The following SNX31 variants were observed in gnomAD, a reference collection of about 807,000 sequenced individuals.
The protein encoded by SNX31 is sorting nexin 31.
A neutral mutation model predicts 65.4 loss-of-function variants in SNX31; 58 were observed. The observed-to-expected ratio is 0.89, with a 90% CI of 0.72 to 1.10. The LOEUF (loss-of-function observed/expected upper bound fraction) is 1.10, where lower values mean the gene tolerates loss of function less well. Among genes scored for constraint, SNX31 ranks in the 50% least tolerant of loss-of-function variants. The pLI is 0.00. For synonymous variants in SNX31, 181 were observed against 190.1 expected, an observed-to-expected ratio of 0.95 and a Z score of 0.39; for missense variants, 523 against 529.7, an observed-to-expected ratio of 0.99 and a Z score of 0.12.
rs1818035932 is a variant in SNX31 at position 100,626,273 on chromosome 8, T to C, written c.321+4054A>G. 6.6e-6 allele frequency among the ~76,000 whole-genome samples: 1 copy of C among 152,164 alleles called. No homozygotes were observed. The highest frequency in any genetic ancestry group is 2.4e-5 in the African/African-American group (1 of 41,438). Reference sequence around the variant, plus strand: ...GAGACAGGAGCTCTTCTCCCCATTTTACAGATGGGGAAACTGAGGTACAAA... The same window carrying C: ...GAGACAGGAGCTCTTCTCCCCATTTCACAGATGGGGAAACTGAGGTACAAA... On this transcript the variant is annotated intron_variant, in intron 4 of 13. Coordinates refer to ENST00000311812, the MANE Select transcript of SNX31 (RefSeq NM_152628.4). This position sits in a 1 kb window ranked among gnomAD's most constrained non-coding sequence, Gnocchi z 4.4.
At chr8:100,654,941 A>G (rs764204331) in intron 1 of SNX31, among the ~76,000 whole-genome samples, 1 of 152,210 alleles carries the variant, frequency 6.6e-6, no homozygotes, top group African/African-American at 2.4e-5. Context: ...TGAACCCAGG[A>G]GGCAGAGGTT....
chr8:100,605,192 C>T (rs1473361556), intron 8 of SNX31, among the ~76,000 whole-genome samples: 1 of 152,158 alleles, frequency 6.6e-6, no homozygotes, highest in Non-Finnish European at 1.5e-5. Context: ...AGCCACCATG[C>T]CTGGCCACTT....
At chr8:100,601,148 T>C (rs1263281449) in intron 8 of SNX31, among the ~76,000 whole-genome samples, 1 of 152,208 alleles carries the variant, frequency 6.6e-6, no homozygotes, top group Non-Finnish European at 1.5e-5. Flanking sequence ...GGCAAACACA[T>C]GTACAGTGCT....
chr8:100,658,282 C>T (rs997344971), intron 1 of SNX31, among the ~76,000 whole-genome samples: 1 of 152,152 alleles, frequency 6.6e-6, no homozygotes, highest in Non-Finnish European at 1.5e-5. Context: ...TGGAAAAATG[C>T]CTCCCTGGGA....
Position 100,630,208 on chromosome 8 carries a change from C to T in SNX31, c.321+119G>A. On this transcript the variant is annotated intron_variant, in intron 4 of 13. Transcript: ENST00000311812. This position sits in a 1 kb window ranked among gnomAD's most constrained non-coding sequence, Gnocchi z 5.3. ...TTGACTTGAAATGAATATATTTTGT[C>T]CAAGTCCAGGCTCTGTGGGGCTGTG... The T allele has an allele frequency of 2.4e-6, 2 of 848,214 alleles. No homozygotes were observed. Among genetic ancestry groups the T allele is most frequent in the Non-Finnish European group, 3.6e-6 (2 of 549,666 alleles). The allele number at this position is 848,214 out of a possible 1,614,324, so 52.5% of individuals were successfully genotyped here. A position where few individuals can be genotyped will look rare whatever the true frequency, so the allele number is the denominator to read the frequency against.
Position 100,572,903 on chromosome 8 carries a change from T to C in SNX31, c.*962A>G, listed in dbSNP as rs186052639. The C allele has an allele frequency of 2.8e-4, 42 of 152,350 alleles. No individual in the cohort carries two copies. Among genetic ancestry groups the C allele is most frequent in the African/African-American group, 9.9e-4 (41 of 41,578 alleles). 9.4% of individuals were successfully genotyped at this position (152,350 alleles called of 1,614,324 possible). A position where few individuals can be genotyped will look rare whatever the true frequency, so the allele number is the denominator to read the frequency against. ...CAAATTTTATATTCACTGGAATTAT[T>C]TTGTATTTATTATATAATTAGGTAT... On this transcript the variant is annotated 3_prime_UTR_variant, in exon 14 of 14. Coordinates refer to ENST00000311812, the MANE Select transcript of SNX31 (RefSeq NM_152628.4).
intron 2 of SNX31, 35 bp downstream of exon 2, chr8:100,649,239 G>A (rs1587103115): frequency 6.2e-7 from 1 of 1,606,380 alleles, no homozygotes; most frequent in African/African-American, 1.3e-5. Context: ...ACCTGTCTCA[G>A]TGGATGGGCT....
At chr8:100,607,748 A>G (rs1029593649) in intron 8 of SNX31, among the ~76,000 whole-genome samples, 7 of 152,388 alleles carry the variant, frequency 4.6e-5, no homozygotes, top group Non-Finnish European at 8.8e-5. Context: ...GCATGCCTGC[A>G]TGAAAATATC....
chr8:100,658,185 A>T (rs1820082589), intron 1 of SNX31, among the ~76,000 whole-genome samples: 1 of 152,100 alleles, frequency 6.6e-6, no homozygotes, highest in South Asian at 2.1e-4. Flanking sequence ...AGTAAAACCC[A>T]CTGTGGTCAG....
At chr8:100,624,306 A>T (rs568423095) in intron 4 of SNX31, among the ~76,000 whole-genome samples, 104 of 152,206 alleles carry the variant, frequency 6.8e-4, no homozygotes, top group Non-Finnish European at 1.4e-3. Context: ...GAAGAATGAG[A>T]GATAGTCATA....
intron 2 of SNX31, among the ~76,000 whole-genome samples, chr8:100,641,625 CATATATATATATATATAT>C (rs368399829): frequency 1.6e-4 from 8 of 48,836 alleles, no homozygotes; most frequent in East Asian, 6.7e-4. Context: ...CACACACGCG[CATATATATATATATATAT>C]ATATATATAT....
intron 7 of SNX31, among the ~76,000 whole-genome samples, 197 bp from the exon 8 acceptor site, chr8:100,608,760 T>C (rs1816427179): frequency 6.6e-6 from 1 of 152,226 alleles, no homozygotes. Context: ...CCGTAAGCTC[T>C]TGCCTGGAGG....
chr8:100,661,604 C>T (rs1809788556), intron 1 of SNX31, among the ~76,000 whole-genome samples: 1 of 152,136 alleles, frequency 6.6e-6, no homozygotes, highest in Admixed American at 6.5e-5. Context: ...TTATGGTTCA[C>T]TGCAGCCTCG....
chr8:100,601,049 G>A (rs1212680104), intron 8 of SNX31, among the ~76,000 whole-genome samples: 1 of 152,158 alleles, frequency 6.6e-6, no homozygotes, highest in South Asian at 2.1e-4. Flanking sequence ...AAGTATATTT[G>A]AATCATAAAC....
Position 100,625,080 on chromosome 8 carries a change from G to A in SNX31, c.321+5247C>T, listed in dbSNP as rs994057579. ...CCCACCTCAGCCCCCCAAAGTTCTGGGATTACAGGTGTGAGCCACCACGTT... is the reference window on the plus strand; with the variant it reads ...CCCACCTCAGCCCCCCAAAGTTCTGAGATTACAGGTGTGAGCCACCACGTT... On this transcript the variant is annotated intron_variant, in intron 4 of 13. Coordinates refer to ENST00000311812, the MANE Select transcript of SNX31 (RefSeq NM_152628.4). This position sits in a 1 kb window ranked among gnomAD's most constrained non-coding sequence, Gnocchi z 4.2. Among the ~76,000 whole-genome samples the A allele has an allele frequency of 5.3e-5, 8 of 152,032 alleles. No homozygotes were observed. The highest frequency in any genetic ancestry group is 1.9e-4 in the African/African-American group (8 of 41,398).
In SNX31 at chr8:100,625,977, A is replaced by G. The variant is rs899734061; in HGVS notation, c.321+4350T>C. Among the ~76,000 whole-genome samples the G allele has an allele frequency of 1.8e-4, 27 of 152,154 alleles. No individual in the cohort carries two copies. The highest frequency in any genetic ancestry group is 4.4e-5 in the Non-Finnish European group (3 of 68,016). On this transcript the variant is annotated intron_variant, in intron 4 of 13. Transcript: ENST00000311812. This position sits in a 1 kb window ranked among gnomAD's most constrained non-coding sequence, Gnocchi z 4.2. ...CATGGTAGCTCACACCTATAATCCC[A>G]GCAGTTTGGGAGGCCGAGATGGGTA... is the stretch of plus-strand genomic sequence containing the variant.
At position 100,578,177 on chromosome 8, in the gene SNX31, T is replaced by C. The variant is rs1813203066; in HGVS notation, c.1171-1102A>G. Among the ~76,000 whole-genome samples, 1 of 151,778 alleles carries C rather than the reference T, an allele frequency of 6.6e-6. No homozygotes were observed. The highest frequency in any genetic ancestry group is 1.5e-5 in the Non-Finnish European group (1 of 67,934). ...CAGTCTCCCAGGGCACAGAGCAGAG[T>C]GGGAGTGAATCTGGAAAGGCAGAGT... On this transcript the variant is annotated intron_variant, in intron 12 of 13. Coordinates refer to ENST00000311812, the MANE Select transcript of SNX31 (RefSeq NM_152628.4). The surrounding 1 kb of genome is among the most constrained non-coding windows in gnomAD (Gnocchi z 4.7).
In SNX31 at chr8:100,608,544, C is replaced by A; in HGVS notation, c.631G>T (p.Asp211Tyr). Residue 211 changes from aspartate to tyrosine, a missense_variant, in exon 8 of 14, where the codon GAC becomes TAC. Transcript: ENST00000311812. ...LRKWYMAPSL[D>Y]SVLMDCRVAV... ...ACCCTGCAGTCCATCAGCACGGAGTCGAGGGATGGAGCCATATACCTGCAA... is the reference window on the plus strand; with the variant it reads ...ACCCTGCAGTCCATCAGCACGGAGTAGAGGGATGGAGCCATATACCTGCAA... The A allele has an allele frequency of 1.2e-6, 2 of 1,613,930 alleles. No homozygotes were observed. The highest frequency in any genetic ancestry group is 1.7e-6 in the Non-Finnish European group (2 of 1,179,938).
chr8:100,600,354 T>A lies in SNX31; in HGVS notation c.769A>T (p.Thr257Ser). Residue 257 changes from threonine (T) to serine (S), a missense_variant, in exon 9 of 14, where the codon ACA becomes TCA. Transcript: ENST00000311812. ...LEAFQKEDSQ[T>S]KFLELAREVR... ...TGGAGCAATATTTGATTCACCTTTG[T>A]TTGACTGTCTTCTTTCTGGAAAGCT... 1 of 1,613,462 alleles carries A rather than the reference T, an allele frequency of 6.2e-7. No homozygotes were observed. The highest frequency in any genetic ancestry group is 8.5e-7 in the Non-Finnish European group (1 of 1,179,538).
Sources: allele counts gnomAD v4.1 joint callset (sites outside exome capture counted in the v4.1 genomes callset), GRCh38; gene constraint gnomAD v4.1.1; non-coding constraint Gnocchi (gnomAD v3.1); transcripts MANE v1.5; gene names NCBI Gene and HGNC (gene_info 2026-07-23, HGNC 2026-07-21).